Variants in SVOP observed in about 807,000 individuals in gnomAD.
SVOP encodes SV2 related protein.
SVOP carries 17 observed loss-of-function variants against 69.1 expected under a neutral mutation model. The observed-to-expected ratio is 0.25, with a 90% CI of 0.17 to 0.37. The LOEUF is 0.37. Ranked by LOEUF, SVOP falls within the 10% of genes least tolerant of loss-of-function variation. SVOP has a pLI of 1.00. For missense variants in SVOP, 435 were observed against 597.5 expected (o/e 0.73, Z 2.84); for synonymous variants, 238 against 238.6 (o/e 1.00, Z 0.02).
At chr12:108,977,033 A>G (rs891416499) in intron 4 of SVOP, among the ~76,000 whole-genome samples, 3 of 152,062 alleles carry the variant, frequency 2.0e-5, no homozygotes, top group Non-Finnish European at 2.9e-5. Flanking sequence ...TTGAACACCT[A>G]CTCTATGCCA....
intron 11 of SVOP, among the ~76,000 whole-genome samples, chr12:108,923,888 C>T (rs543251766): frequency 6.6e-6 from 1 of 152,138 alleles, no homozygotes; most frequent in African/African-American, 2.4e-5. Flanking sequence ...TGCTCCCTTC[C>T]TGACCTTGCT....
intron 5 of SVOP, among the ~76,000 whole-genome samples, chr12:108,970,743 A>G (rs1453572331): frequency 6.6e-6 from 1 of 152,194 alleles, no homozygotes; most frequent in Non-Finnish European, 1.5e-5. Context: ...AGATTCACAC[A>G]GTGGCTCACA....
chr12:108,947,837 T>C (rs1442452046), intron 6 of SVOP, among the ~76,000 whole-genome samples: 1 of 152,102 alleles, frequency 6.6e-6, no homozygotes, highest in Non-Finnish European at 1.5e-5. Flanking sequence ...TAGCTCCTCT[T>C]AAGGGGTGGG....
chr12:109,014,732 TC>T (rs2040359298), intron 1 of SVOP, among the ~76,000 whole-genome samples: 1 of 152,208 alleles, frequency 6.6e-6, no homozygotes, highest in African/African-American at 2.4e-5. Flanking sequence ...GGTCTTTCTT[TC>T]TTTTTTGAGA....
At chr12:108,935,396 T>C (rs1271908478) in intron 10 of SVOP, among the ~76,000 whole-genome samples, 1 of 152,242 alleles carries the variant, frequency 6.6e-6, no homozygotes, top group Non-Finnish European at 1.5e-5. Context: ...CATAATGCAC[T>C]AAAATTAGTC....
At chr12:108,922,949 C>T (rs1237848083) in intron 11 of SVOP, among the ~76,000 whole-genome samples, 152 bp from the exon 12 acceptor site, 6 of 152,208 alleles carry the variant, frequency 3.9e-5, no homozygotes, top group South Asian at 2.1e-4. Flanking sequence ...TGTTTGAACA[C>T]CAAGCCGCAG....
At chr12:108,979,634 G>T (rs1185605831) in intron 2 of SVOP, among the ~76,000 whole-genome samples, 1 of 152,156 alleles carries the variant, frequency 6.6e-6, no homozygotes, top group East Asian at 1.9e-4. Flanking sequence ...TTGTGGAAAG[G>T]TATGTACCAG....
At chr12:108,981,635 C>T (rs1257535157) in intron 2 of SVOP, among the ~76,000 whole-genome samples, 2 of 152,296 alleles carry the variant, frequency 1.3e-5, no homozygotes, top group Non-Finnish European at 2.9e-5. Context: ...CAGCAAGATA[C>T]TTAACCCTTC....
chr12:108,916,437 C>T (rs2039714233), intron 14 of SVOP, among the ~76,000 whole-genome samples: 1 of 152,180 alleles, frequency 6.6e-6, no homozygotes, highest in Admixed American at 6.5e-5. Context: ...GGCTTCTCAG[C>T]CTGGGCACTG....
intron 11 of SVOP, among the ~76,000 whole-genome samples, chr12:108,932,760 C>T (rs1278341489): frequency 1.3e-5 from 2 of 152,066 alleles, no homozygotes; most frequent in Non-Finnish European, 2.9e-5. Context: ...ATCGTAAGAC[C>T]GACAAAACAG....
chr12:109,001,778 C>T (rs575536406), intron 1 of SVOP, among the ~76,000 whole-genome samples: 1 of 151,466 alleles, frequency 6.6e-6, no homozygotes, highest in Non-Finnish European at 1.5e-5. Context: ...GAAACTGGAT[C>T]CCTTCCTTAC....
chr12:108,914,940 C>T (rs562892647), intron 15 of SVOP, among the ~76,000 whole-genome samples: 3 of 151,280 alleles, frequency 2.0e-5, no homozygotes, highest in South Asian at 2.1e-4. Context: ...CTTTGGAGGC[C>T]GAGGCAGGCA....
At chr12:108,977,584 C>A in intron 3 of SVOP, 88 bp from the exon 4 acceptor site, 1 of 808,300 alleles carries the variant, frequency 1.2e-6, no homozygotes, top group South Asian at 1.5e-5. Flanking sequence ...GAGACAGAGA[C>A]TGTAGCACAC....
At chr12:108,954,810 G>A (rs527838597) in intron 6 of SVOP, among the ~76,000 whole-genome samples, 4 of 152,246 alleles carry the variant, frequency 2.6e-5, no homozygotes, top group East Asian at 1.9e-4. Flanking sequence ...TAGGCAGATC[G>A]CTTGAGGCCA....
chr12:108,965,193 G>A (rs1243132496), intron 5 of SVOP, among the ~76,000 whole-genome samples: 1 of 152,150 alleles, frequency 6.6e-6, no homozygotes, highest in Middle Eastern at 3.2e-3. Context: ...ATTACACTGG[G>A]TCCTCACAGC....
chr12:108,919,378 C>T (rs1364053298), intron 13 of SVOP, among the ~76,000 whole-genome samples: 4 of 151,632 alleles, frequency 2.6e-5, no homozygotes, highest in Admixed American at 1.3e-4. Context: ...TATACCCACA[C>T]CTGGGCCTAT....
At chr12:108,998,979 A>G (rs1185326923) in intron 1 of SVOP, among the ~76,000 whole-genome samples, 1 of 147,662 alleles carries the variant, frequency 6.8e-6, no homozygotes, top group Non-Finnish European at 1.5e-5. Context: ...TTTAAATGTA[A>G]ATGGACTAAA....
At chr12:108,915,584 C>G (rs77241006) in intron 15 of SVOP, among the ~76,000 whole-genome samples, 199 bp downstream of exon 15, 26 of 152,186 alleles carry the variant, frequency 1.7e-4, no homozygotes, top group African/African-American at 6.3e-4. Context: ...AGCTGCATGA[C>G]CTTGAGCATG....
chr12:108,933,910 C>A (rs1310075887), intron 11 of SVOP, among the ~76,000 whole-genome samples: 2 of 152,266 alleles, frequency 1.3e-5, no homozygotes, highest in East Asian at 3.9e-4. Flanking sequence ...GCTGTCCGCT[C>A]AGATAAACTC....
Sources: allele counts gnomAD v4.1 joint callset (sites outside exome capture counted in the v4.1 genomes callset), GRCh38; gene constraint gnomAD v4.1.1; transcripts MANE v1.5; gene names NCBI Gene and HGNC (gene_info 2026-07-23, HGNC 2026-07-21).